Variants in SMARCB1 observed in about 807,000 individuals in gnomAD.
SMARCB1 encodes the protein SWI/SNF related BAF chromatin remodeling complex subunit B1.
Under a neutral mutation model 49.0 loss-of-function variants are expected in SMARCB1, and 5 were observed. The ratio of observed to expected loss-of-function variants is 0.10; its 90% CI spans 0.05 to 0.21. The LOEUF is 0.21. Among genes scored for constraint, SMARCB1 ranks in the 10% least tolerant of loss-of-function variants. The pLI is 1.00. For missense variants in SMARCB1, 226 were observed against 509.2 expected, an observed-to-expected ratio of 0.44 and a Z score of 5.35; for synonymous variants, 201 against 200.1, an observed-to-expected ratio of 1.00 and a Z score of -0.04.
Position 23,834,735 on chromosome 22 carries a change from C to G in SMARCB1, c.*555C>G. 1 of 1,477,956 alleles carries G rather than the reference C, an allele frequency of 6.8e-7. No individual in the cohort carries two copies. The highest frequency in any genetic ancestry group is 9.0e-7 in the Non-Finnish European group (1 of 1,108,718). The allele number at this position is 1,477,956 out of a possible 1,614,324, so 91.6% of individuals were successfully genotyped here. ...CCCCTCAGCCTGTTCTCCTTCCAGA[C>G]CCAGAGAGCTGAGAAGAGTAGCTGT... On this transcript the variant is annotated 3_prime_UTR_variant, in exon 9 of 9. Transcript: ENST00000644036.
intron 3 of SMARCB1, among the ~76,000 whole-genome samples, chr22:23,797,731 C>T (rs1398879260): frequency 4.0e-5 from 6 of 148,956 alleles, no homozygotes; most frequent in African/African-American, 1.5e-4. Flanking sequence ...CATTCTCCTT[C>T]CTCAGCCTCC....
At chr22:23,828,806 CA>C (rs1457556465) in intron 7 of SMARCB1, among the ~76,000 whole-genome samples, 16 of 152,326 alleles carry the variant, frequency 1.1e-4, no homozygotes, top group African/African-American at 3.8e-4. Flanking sequence ...ATCCATGGTA[CA>C]GTGGGGCAAG....
rs2145978428 is a variant in SMARCB1, at chr22:23,801,007, A to G, written c.426A>G (p.Leu142=). Residue 142 remains leucine, a synonymous_variant, in exon 4 of 9, where the codon TTA becomes TTG. Coordinates refer to ENST00000644036, the MANE Select transcript of SMARCB1 (RefSeq NM_003073.5). ...VPTLPNSSHH[L]DAVPCSTTIN... is the part of the protein sequence containing the mutation. ...CCCTGCCCAACAGCTCCCACCACTT[A>G]GATGCCGTGCCATGCTCCACAACCA... 6.2e-7 allele frequency: 1 copy of G among 1,614,124 alleles called. No individual in the cohort carries two copies. Among genetic ancestry groups the G allele is most frequent in the East Asian group, 2.2e-5 (1 of 44,882 alleles).
At chr22:23,788,962 A>G (rs940013146) in intron 1 of SMARCB1, among the ~76,000 whole-genome samples, 1 of 151,346 alleles carries the variant, frequency 6.6e-6, no homozygotes, top group African/African-American at 2.4e-5. Context: ...CCGTCCTCCC[A>G]CCTCAGTCTC....
At chr22:23,797,219 T>G (rs377393218) in intron 3 of SMARCB1, among the ~76,000 whole-genome samples, 1 of 149,222 alleles carries the variant, frequency 6.7e-6, no homozygotes. Context: ...AGGATGGTCT[T>G]GATCTCCTGA....
intron 6 of SMARCB1, chr22:23,818,656 C>T (rs2029915389): frequency 7.6e-6 from 1 of 131,180 alleles, no homozygotes; most frequent in Non-Finnish European, 1.6e-5. Flanking sequence ...CCCATTCCCC[C>T]TCCCCCCACC....
intron 5 of SMARCB1, among the ~76,000 whole-genome samples, chr22:23,811,431 G>A (rs558568538): frequency 7.9e-5 from 12 of 152,274 alleles, no homozygotes; most frequent in South Asian, 2.1e-4. Flanking sequence ...CAGCACAGCC[G>A]AATGCACATT....
intron 8 of SMARCB1, 56 bp downstream of exon 8, chr22:23,833,759 A>T (rs925324606): frequency 4.0e-5 from 64 of 1,601,168 alleles, no homozygotes; most frequent in Non-Finnish European, 5.2e-5. Flanking sequence ...CTTTCCAGGC[A>T]GAGGCAGGGC....
intron 2 of SMARCB1, 60 bp from the exon 3 acceptor site, chr22:23,793,499 G>A: frequency 6.3e-7 from 1 of 1,598,838 alleles, no homozygotes; most frequent in Non-Finnish European, 8.6e-7. Context: ...CATCCACTTG[G>A]CTGGCTGCTG....
intron 4 of SMARCB1, 117 bp from the exon 5 acceptor site, chr22:23,803,178 G>T: frequency 7.4e-7 from 1 of 1,359,176 alleles, no homozygotes; most frequent in Non-Finnish European, 1.0e-6. Flanking sequence ...TAGCTGACAA[G>T]CGGCCATCTT....
At chr22:23,833,872 G>A (rs1015503104) in intron 8 of SMARCB1, among the ~76,000 whole-genome samples, 169 bp downstream of exon 8, 1 of 152,242 alleles carries the variant, frequency 6.6e-6, no homozygotes. Flanking sequence ...AAACGCCAGG[G>A]TATGTTTCCC....
intron 5 of SMARCB1, among the ~76,000 whole-genome samples, chr22:23,810,594 G>T (rs1001448060): frequency 6.6e-6 from 1 of 151,018 alleles, no homozygotes; most frequent in African/African-American, 2.4e-5. Context: ...CATCAGGAAG[G>T]AACAAAAGAA....
At chr22:23,789,697 A>T (rs1201500326) in intron 1 of SMARCB1, among the ~76,000 whole-genome samples, 2 of 152,208 alleles carry the variant, frequency 1.3e-5, no homozygotes, top group African/African-American at 4.8e-5. Context: ...TAAGAGACTC[A>T]GTTGGAGAGG....
chr22:23,826,676 G>T (rs1361598319), intron 7 of SMARCB1, among the ~76,000 whole-genome samples: 1 of 152,222 alleles, frequency 6.6e-6, no homozygotes, highest in Admixed American at 6.5e-5. Flanking sequence ...GGTCTGTTTT[G>T]CAAAGCCATG....
intron 3 of SMARCB1, among the ~76,000 whole-genome samples, chr22:23,800,565 G>A (rs560060918): frequency 1.4e-4 from 22 of 152,182 alleles, no homozygotes; most frequent in East Asian, 1.9e-4. Context: ...GCTGCTGCCC[G>A]TGCCCCTCCC....
chr22:23,834,060 C>A, intron 8 of SMARCB1, 81 bp from the exon 9 acceptor site: 1 of 1,459,738 alleles, frequency 6.9e-7, no homozygotes, highest in African/African-American at 1.4e-5. Flanking sequence ...CTACACTTGG[C>A]TGCCCTGTAG....
intron 5 of SMARCB1, chr22:23,803,697 A>G: frequency 3.8e-6 from 2 of 528,924 alleles, no homozygotes; most frequent in South Asian, 4.0e-5. Context: ...CATAGCATGG[A>G]TGATGATGAC....
At chr22:23,808,154 T>C (rs1227092795) in intron 5 of SMARCB1, among the ~76,000 whole-genome samples, 2 of 143,098 alleles carry the variant, frequency 1.4e-5, no homozygotes, top group African/African-American at 5.3e-5. Context: ...AAACGGAGTC[T>C]CTGTCGCCCA....
At chr22:23,823,450 C>T (rs2146023658) in intron 6 of SMARCB1, 1 of 152,440 alleles carries the variant, frequency 6.6e-6, no homozygotes, top group East Asian at 1.9e-4. Context: ...TAGCAAAGGA[C>T]ATGGGGGCCC....
Sources: gnomAD v4.1 joint callset for allele counts (sites outside exome capture counted in the v4.1 genomes callset) on GRCh38, gnomAD v4.1.1 for gene constraint, MANE v1.5 for transcripts, NCBI Gene and HGNC (gene_info 2026-07-23, HGNC 2026-07-21) for gene names.